Variants in KDM4C observed in about 807,000 individuals in gnomAD.
KDM4C encodes lysine demethylase 4C.
A neutral mutation model predicts 129.3 loss-of-function variants in KDM4C; 81 were observed. The ratio of observed to expected loss-of-function variants is 0.63; its 90% CI spans 0.52 to 0.75. KDM4C has a LOEUF of 0.75. Ranked by LOEUF, KDM4C falls within the 30% of genes least tolerant of loss-of-function variation. KDM4C has a pLI of 0.00. For synonymous variants in KDM4C, 573 were observed against 456.1 expected (o/e 1.26, Z -3.26); for missense variants, 1,457 against 1,304.0 (o/e 1.12, Z -1.81).
At chr9:6,726,056 A>G (rs1012771003) in intron 1 of KDM4C, among the ~76,000 whole-genome samples, 2 of 151,930 alleles carry the variant, frequency 1.3e-5, no homozygotes, top group African/African-American at 4.8e-5. Context: ...CCTCCCAAGT[A>G]GCTGGGATTA....
At chr9:7,092,359 G>A (rs1011612677) in intron 17 of KDM4C, among the ~76,000 whole-genome samples, 2 of 152,112 alleles carry the variant, frequency 1.3e-5, no homozygotes, top group African/African-American at 4.8e-5. Context: ...TATTGAGTTA[G>A]CCTGAAAATC....
At chr9:6,740,677 T>C (rs2130258304) in intron 1 of KDM4C, among the ~76,000 whole-genome samples, 1 of 151,482 alleles carries the variant, frequency 6.6e-6, no homozygotes. Flanking sequence ...CGCCACCACA[T>C]CCAGCAAATT....
At chr9:6,969,827 G>A (rs534195920) in intron 8 of KDM4C, among the ~76,000 whole-genome samples, 1 of 152,270 alleles carries the variant, frequency 6.6e-6, no homozygotes, top group East Asian at 1.9e-4. Flanking sequence ...CTGGTCCTAT[G>A]GGTAAACATT....
At chr9:6,725,836 A>G (rs1199786156) in intron 1 of KDM4C, among the ~76,000 whole-genome samples, 1 of 149,112 alleles carries the variant, frequency 6.7e-6, no homozygotes, top group Non-Finnish European at 1.5e-5. Context: ...CAGCCTCCCA[A>G]GTAGCTGGGA....
At chr9:6,991,993 A>G (rs1470456354) in intron 12 of KDM4C, among the ~76,000 whole-genome samples, 3 of 151,418 alleles carry the variant, frequency 2.0e-5, no homozygotes, top group East Asian at 1.9e-4. Context: ...ATTGATTTCC[A>G]TATATCATAA....
chr9:6,763,689 G>A (rs1176909833), intron 1 of KDM4C, among the ~76,000 whole-genome samples: 1 of 152,208 alleles, frequency 6.6e-6, no homozygotes, highest in Non-Finnish European at 1.5e-5. Flanking sequence ...TGTTAGAAAA[G>A]CTGGGAAACA....
intron 17 of KDM4C, among the ~76,000 whole-genome samples, chr9:7,065,264 C>G (rs1197750442): frequency 3.3e-5 from 5 of 151,146 alleles, no homozygotes; most frequent in African/African-American, 1.2e-4. Context: ...AAACTATGGA[C>G]TTTTTTTTTC....
At chr9:6,744,332 T>C (rs1817806101) in intron 1 of KDM4C, among the ~76,000 whole-genome samples, 1 of 152,092 alleles carries the variant, frequency 6.6e-6, no homozygotes, top group Non-Finnish European at 1.5e-5. Flanking sequence ...GAGACCATCC[T>C]GGCTAACATG....
chr9:7,121,531 G>T (rs1416337235), intron 18 of KDM4C, among the ~76,000 whole-genome samples: 2 of 152,320 alleles, frequency 1.3e-5, no homozygotes, highest in East Asian at 1.9e-4. Context: ...TTGATAGGAG[G>T]ATCTACAAAG....
At chr9:6,836,819 A>C (rs1306391077) in intron 4 of KDM4C, among the ~76,000 whole-genome samples, 1 of 152,012 alleles carries the variant, frequency 6.6e-6, no homozygotes, top group Non-Finnish European at 1.5e-5. Flanking sequence ...CTACTTTGTG[A>C]ATTTACAACT....
In KDM4C at chr9:6,830,115, A is replaced by G. The variant is rs374800994; in HGVS notation, c.435+15370A>G. Among the ~76,000 whole-genome samples the G allele has an allele frequency of 5.4e-4, 82 of 152,344 alleles. 3 individuals carry two copies. The East Asian group carries it at 0.011, about 20-fold the overall frequency. ...TTATTACAGCAAAAAATGTAAAACAACTTACATGTTACAAAGGAGAAATAC... is the reference window on the plus strand; with the variant it reads ...TTATTACAGCAAAAAATGTAAAACAGCTTACATGTTACAAAGGAGAAATAC... On this transcript the variant is annotated intron_variant, in intron 4 of 21. Transcript: ENST00000381309.
intron 15 of KDM4C, among the ~76,000 whole-genome samples, chr9:7,036,342 T>C (rs1827641737): frequency 6.6e-6 from 1 of 152,220 alleles, no homozygotes. Context: ...AAAGTAAAGA[T>C]GTATGTTCAT....
At chr9:6,914,383 A>G (rs1163190855) in intron 8 of KDM4C, among the ~76,000 whole-genome samples, 1 of 152,086 alleles carries the variant, frequency 6.6e-6, no homozygotes, top group Non-Finnish European at 1.5e-5. Context: ...ATATTTTCCC[A>G]TTTTAATAAA....
At chr9:7,010,440 C>G (rs1010912671) in intron 12 of KDM4C, among the ~76,000 whole-genome samples, 5 of 152,186 alleles carry the variant, frequency 3.3e-5, no homozygotes, top group African/African-American at 1.2e-4. Flanking sequence ...CAGTGCAAAT[C>G]TAATTTGACT....
chr9:7,034,390 G>A (rs574568110), intron 15 of KDM4C, among the ~76,000 whole-genome samples: 21 of 152,108 alleles, frequency 1.4e-4, no homozygotes, highest in South Asian at 1.2e-3. Context: ...CTCTAGTATC[G>A]TTTTACTTTT....
At chr9:6,821,673 G>A (rs1016177128) in intron 4 of KDM4C, among the ~76,000 whole-genome samples, 5 of 151,528 alleles carry the variant, frequency 3.3e-5, no homozygotes, top group African/African-American at 9.7e-5. Flanking sequence ...TTGAGATGGA[G>A]TATGCTCTGT....
intron 1 of KDM4C, among the ~76,000 whole-genome samples, chr9:6,745,577 CCA>C (rs1491174134): frequency 9.4e-5 from 7 of 74,722 alleles, no homozygotes; most frequent in African/African-American, 3.2e-4. Flanking sequence ...GGTCCTGTCT[CCA>C]AAAAAAAAAA....
At chr9:6,939,959 A>AACCT (rs1554654089) in intron 8 of KDM4C, among the ~76,000 whole-genome samples, 5,624 of 111,778 alleles carry the variant, frequency 0.05, 353 homozygotes, top group Non-Finnish European at 0.075. Flanking sequence ...TCCAATAACC[A>AACCT]ACCTACCTAC....
intron 17 of KDM4C, among the ~76,000 whole-genome samples, chr9:7,066,205 C>T (rs1158280991): frequency 6.6e-6 from 1 of 152,054 alleles, no homozygotes; most frequent in Non-Finnish European, 1.5e-5. Context: ...ACATACAGAG[C>T]TGATCATGGT....
Sources: gnomAD v4.1 joint callset for allele counts (sites outside exome capture counted in the v4.1 genomes callset) on GRCh38, gnomAD v4.1.1 for gene constraint, MANE v1.5 for transcripts, NCBI Gene and HGNC (gene_info 2026-07-23, HGNC 2026-07-21) for gene names.